ZFHX3: variants seen among roughly 807,000 people sequenced by gnomAD.
The protein encoded by ZFHX3 is zinc finger homeobox protein 3.
In ZFHX3, 42 loss-of-function variants were observed where a neutral mutation model predicts 279.1. The observed-to-expected ratio is 0.15, with a 90% CI of 0.12 to 0.19. ZFHX3 has a LOEUF of 0.19. Among genes scored for constraint, ZFHX3 ranks in the 10% least tolerant of loss-of-function variants. The probability of loss-of-function intolerance (pLI) is 1.00; values close to 1 mark genes in which losing one functional copy is unlikely to be tolerated. For synonymous variants in ZFHX3, 2,293 were observed against 1,957.8 expected (o/e 1.17, Z -4.52); for missense variants, 4,981 against 4,754.0 (o/e 1.05, Z -1.40).
intron 5 of ZFHX3, among the ~76,000 whole-genome samples, chr16:73,216,792 C>CA (rs147667262): frequency 0.067 from 10,260 of 152,014 alleles, 500 homozygotes; most frequent in Non-Finnish European, 0.11. Flanking sequence ...AAAAAGGACT[C>CA]AAATATTATC....
chr16:73,876,389 G>A (rs576332469), intron 1 of ZFHX3, among the ~76,000 whole-genome samples: 8 of 152,220 alleles, frequency 5.3e-5, no homozygotes, highest in Non-Finnish European at 1.2e-4. Flanking sequence ...CTGTATGCAT[G>A]CAGACACAGG....
At chr16:73,616,469 A>AT (rs1006126802) in intron 2 of ZFHX3, among the ~76,000 whole-genome samples, 1 of 149,118 alleles carries the variant, frequency 6.7e-6, no homozygotes, top group Non-Finnish European at 1.5e-5. Context: ...CTCCTTTTGC[A>AT]TTTTCCATAG....
At chr16:73,861,703 T>C (rs532939987) in intron 1 of ZFHX3, among the ~76,000 whole-genome samples, 1 of 152,296 alleles carries the variant, frequency 6.6e-6, no homozygotes, top group South Asian at 2.1e-4. Context: ...TGTTAAAACA[T>C]GCTACTGCCA....
intron 1 of ZFHX3, among the ~76,000 whole-genome samples, chr16:73,036,670 A>G (rs1225871542): frequency 2.6e-5 from 4 of 152,086 alleles, no homozygotes; most frequent in Non-Finnish European, 5.9e-5. Flanking sequence ...TGGGTGTATC[A>G]GGGGAACTGC....
At chr16:72,963,641 A>G (rs906083138) in intron 1 of ZFHX3, among the ~76,000 whole-genome samples, 2 of 152,218 alleles carry the variant, frequency 1.3e-5, no homozygotes, top group African/African-American at 4.8e-5. Flanking sequence ...GTTTAAAAGG[A>G]TAAAACTCTA....
intron 2 of ZFHX3, 35 bp from the exon 3 acceptor site, chr16:72,951,000 C>G (rs1597004740): frequency 1.9e-6 from 3 of 1,591,772 alleles, no homozygotes; most frequent in African/African-American, 2.7e-5. Flanking sequence ...AGTCAGACAC[C>G]AGGCTCATGG....
chr16:73,847,878 C>A (rs9930587), intron 1 of ZFHX3, among the ~76,000 whole-genome samples: 4,199 of 143,168 alleles, frequency 0.029, 212 homozygotes, highest in African/African-American at 0.11. Flanking sequence ...GCTGGGAGTA[C>A]GGGCACGTGC....
At chr16:73,016,946 C>A (rs557852408) in intron 1 of ZFHX3, among the ~76,000 whole-genome samples, 126 of 151,882 alleles carry the variant, frequency 8.3e-4, no homozygotes, top group African/African-American at 3.0e-3. Context: ...ACTAAGGGGG[C>A]TGGGCGCAGT....
chr16:72,946,266 TCTC>T (rs931534571), intron 3 of ZFHX3, among the ~76,000 whole-genome samples: 4 of 152,156 alleles, frequency 2.6e-5, no homozygotes, highest in Non-Finnish European at 5.9e-5. Flanking sequence ...GACACTGGCT[TCTC>T]CTCTCCTGTG....
rs140325176 is a variant in ZFHX3 at position 73,575,046 on chromosome 16, G to A, written c.-1547+105134C>T. ...AAATGGTCCTCATGCCGTTTTGTGT[G>A]TTTGATTAGTTTTTAAAAACTAAGC... On this transcript the variant is annotated intron_variant, in intron 2 of 17. Coordinates refer to the ZFHX3 transcript ENST00000641206. Among the ~76,000 whole-genome samples, 236 of 152,240 alleles carry A rather than the reference G, an allele frequency of 1.6e-3. 2 individuals carry two copies. The highest frequency in any genetic ancestry group is 6.8e-3 in the Middle Eastern group (2 of 294).
At chr16:73,798,643 G>T (rs1474412382) in intron 1 of ZFHX3, among the ~76,000 whole-genome samples, 1 of 152,130 alleles carries the variant, frequency 6.6e-6, no homozygotes, top group Non-Finnish European at 1.5e-5. Context: ...AGGAAATTCA[G>T]GAAGTTGGCT....
At chr16:73,214,341 A>T (rs1028291103) in intron 5 of ZFHX3, among the ~76,000 whole-genome samples, 1 of 152,164 alleles carries the variant, frequency 6.6e-6, no homozygotes, top group South Asian at 2.1e-4. Flanking sequence ...AGTGTGAGCT[A>T]TGGGGTGCCC....
chr16:73,124,568 G>C lies in ZFHX3; in HGVS notation c.-897+6400C>G, dbSNP rs952361968. Among the ~76,000 whole-genome samples the C allele has an allele frequency of 2.0e-5, 3 of 152,206 alleles. No homozygotes were observed. The East Asian group carries it at 5.8e-4, about 29-fold the overall frequency. On this transcript the variant is annotated intron_variant, in intron 7 of 17. Coordinates refer to the ZFHX3 transcript ENST00000641206. ...CTTAGATATAATCCTGGACACGTTT[G>C]ATAGCAACGGTAACAGTGACAGTAC... is the stretch of plus-strand genomic sequence containing the variant.
intron 8 of ZFHX3, among the ~76,000 whole-genome samples, chr16:73,079,590 TG>T: frequency 6.6e-6 from 1 of 152,198 alleles, no homozygotes; most frequent in East Asian, 1.9e-4. Context: ...CCTCCCACCC[TG>T]GCCTCCCAAA....
Position 73,580,167 on chromosome 16 carries a change from C to A in ZFHX3, c.-1547+100013G>T, listed in dbSNP as rs1049530715. Among the ~76,000 whole-genome samples, 6 of 151,522 alleles carry A rather than the reference C, an allele frequency of 4.0e-5. 1 individual carries two copies. The highest frequency in any genetic ancestry group is 1.5e-4 in the African/African-American group (6 of 41,048). ...TTATAATTTCCCCTCTATGTGTTAGCTGGAATTTTTCTTTGTAAGAGAAAT... is the reference window on the plus strand; with the variant it reads ...TTATAATTTCCCCTCTATGTGTTAGATGGAATTTTTCTTTGTAAGAGAAAT... On this transcript the variant is annotated intron_variant, in intron 2 of 17. Transcript: ENST00000641206.
At chr16:73,383,504 T>C (rs1251577848) in intron 3 of ZFHX3, among the ~76,000 whole-genome samples, 1 of 152,164 alleles carries the variant, frequency 6.6e-6, no homozygotes, top group African/African-American at 2.4e-5. Context: ...AGACGAGAGC[T>C]GCCGGGGAGA....
intron 5 of ZFHX3, among the ~76,000 whole-genome samples, chr16:73,196,867 A>G (rs1442075468): frequency 6.6e-6 from 1 of 152,214 alleles, no homozygotes; most frequent in Non-Finnish European, 1.5e-5. Flanking sequence ...ACTAAGTGGC[A>G]TTCCTTGGAT....
intron 3 of ZFHX3, among the ~76,000 whole-genome samples, chr16:72,923,901 C>T (rs1959290042): frequency 1.3e-5 from 2 of 152,192 alleles, no homozygotes; most frequent in East Asian, 1.9e-4. Flanking sequence ...GGCAGGTCCA[C>T]GTCTTTAAGT....
At chr16:73,291,871 G>A (rs2014780820) in intron 4 of ZFHX3, among the ~76,000 whole-genome samples, 1 of 152,112 alleles carries the variant, frequency 6.6e-6, no homozygotes, top group Non-Finnish European at 1.5e-5. Context: ...ACATATTCTG[G>A]GAAGAACTTC....
Sources: gnomAD v4.1 joint callset for allele counts (sites outside exome capture counted in the v4.1 genomes callset) on GRCh38, gnomAD v4.1.1 for gene constraint, MANE v1.5 for transcripts, NCBI Gene and HGNC (gene_info 2026-07-23, HGNC 2026-07-21) for gene names.